The following SLAMF9 variants were observed in gnomAD, a reference collection of about 807,000 sequenced individuals.
SLAMF9 encodes SLAM family member 9.
In SLAMF9, 25 loss-of-function variants were observed where a neutral mutation model predicts 30.4. That is an observed-to-expected ratio of 0.82 (90% CI 0.60 to 1.15). The LOEUF (loss-of-function observed/expected upper bound fraction) is 1.15. SLAMF9 is among the 50% of genes most tolerant of loss of function. The pLI, the probability that SLAMF9 is intolerant of heterozygous loss-of-function variation, is 0.00. For synonymous variants in SLAMF9, 129 were observed against 127.2 expected (o/e 1.01, Z -0.09); for missense variants, 344 against 346.1 (o/e 0.99, Z 0.05).
At chr1:159,967,609 T>C in the SLAMF9 span, among the ~76,000 whole-genome samples, 95 of 152,332 alleles carry the variant, frequency 6.2e-4, no homozygotes, top group Non-Finnish European at 1.1e-3. Flanking sequence ...CCCTACGAAC[T>C]TAAGGATTGT....
upstream of SLAMF9, among the ~76,000 whole-genome samples, chr1:159,957,268 G>A (rs1571231682): frequency 6.6e-6 from 1 of 151,704 alleles, no homozygotes; most frequent in African/African-American, 2.4e-5. Context: ...GGAGGAATAA[G>A]TTCAAGAGAT....
chr1:159,966,558 T>C, the SLAMF9 span, among the ~76,000 whole-genome samples: 3 of 152,232 alleles, frequency 2.0e-5, no homozygotes, highest in Admixed American at 6.5e-5. Context: ...CCATAATAGC[T>C]GTACTAATTT....
chr1:159,967,485 C>T, the SLAMF9 span, among the ~76,000 whole-genome samples: 4 of 152,274 alleles, frequency 2.6e-5, no homozygotes, highest in South Asian at 8.3e-4. Context: ...TGTTTTTATG[C>T]CAGTATTTGA....
the SLAMF9 span, chr1:159,973,087 C>T: frequency 6.7e-7 from 1 of 1,493,612 alleles, no homozygotes; most frequent in Non-Finnish European, 9.0e-7. Context: ...GAGTCTCCCT[C>T]CTTGACTCCT....
At chr1:159,972,973 G>A in the SLAMF9 span, 717 of 1,241,354 alleles carry the variant, frequency 5.8e-4, 9 homozygotes, top group East Asian at 0.017. Context: ...CCCTGGGGGC[G>A]TCGCCACTCC....
the SLAMF9 span, among the ~76,000 whole-genome samples, chr1:159,963,670 C>A: frequency 6.6e-6 from 1 of 152,144 alleles, no homozygotes; most frequent in Non-Finnish European, 1.5e-5. Flanking sequence ...GGCTCATGTT[C>A]TTCTTGATTG....
At chr1:159,958,868 C>T (rs1170006908), upstream of SLAMF9, among the ~76,000 whole-genome samples, 4 of 152,128 alleles carry the variant, frequency 2.6e-5, no homozygotes, top group African/African-American at 4.8e-5. Flanking sequence ...GTCTTCTCTG[C>T]CTCAGATGTG....
At chr1:159,960,210 C>T in the SLAMF9 span, among the ~76,000 whole-genome samples, 9 of 143,216 alleles carry the variant, frequency 6.3e-5, no homozygotes, top group African/African-American at 2.1e-4. Context: ...GTTCCCCATC[C>T]TGTGTCCAAG....
chr1:159,964,511 A>G, the SLAMF9 span, among the ~76,000 whole-genome samples: 1 of 152,182 alleles, frequency 6.6e-6, no homozygotes, highest in Non-Finnish European at 1.5e-5. Context: ...CTGATGCAGA[A>G]CTTGTTTGAA....
chr1:159,973,192 G>A, the SLAMF9 span: 5 of 1,485,838 alleles, frequency 3.4e-6, no homozygotes, highest in Non-Finnish European at 3.7e-6. Flanking sequence ...CTCAGGGGGT[G>A]CAGCTTTGTT....
At chr1:159,956,047 C>T (rs1000185291), upstream of SLAMF9, among the ~76,000 whole-genome samples, 3 of 152,198 alleles carry the variant, frequency 2.0e-5, no homozygotes, top group African/African-American at 7.2e-5. Context: ...GAGGTATCTG[C>T]ACTCCACGCT....
chr1:159,972,575 C>T, the SLAMF9 span: 4 of 157,108 alleles, frequency 2.5e-5, no homozygotes, highest in Admixed American at 1.9e-4. Context: ...TGGGCTCACT[C>T]CTCTCTCTGG....
the SLAMF9 span, chr1:159,961,139 C>T: frequency 2.6e-5 from 4 of 152,118 alleles, no homozygotes; most frequent in South Asian, 4.1e-4. Context: ...AGTAGTTGCA[C>T]CAGTAATGTT....
At chr1:159,954,853 C>T (rs1416940078), upstream of SLAMF9, among the ~76,000 whole-genome samples, 1 of 152,070 alleles carries the variant, frequency 6.6e-6, no homozygotes, top group Non-Finnish European at 1.5e-5. Flanking sequence ...CCGAGGCAGG[C>T]AGATCACCTG....
At chr1:159,957,789 TA>T (rs1225713475), upstream of SLAMF9, among the ~76,000 whole-genome samples, 3 of 152,138 alleles carry the variant, frequency 2.0e-5, no homozygotes, top group Non-Finnish European at 4.4e-5. Flanking sequence ...TTTTGTGAAT[TA>T]AAAAATAGAA....
chr1:159,967,828 A>G, the SLAMF9 span, among the ~76,000 whole-genome samples: 3 of 152,092 alleles, frequency 2.0e-5, no homozygotes, highest in Admixed American at 6.6e-5. Flanking sequence ...TCCTTAGTTA[A>G]ATTTACATCT....
At chr1:159,956,316 A>T (rs1336848491), upstream of SLAMF9, among the ~76,000 whole-genome samples, 1 of 152,208 alleles carries the variant, frequency 6.6e-6, no homozygotes, top group Non-Finnish European at 1.5e-5. Flanking sequence ...AAAAATTTTT[A>T]AACATGATCA....
At chr1:159,965,204 G>A in the SLAMF9 span, among the ~76,000 whole-genome samples, 2 of 152,198 alleles carry the variant, frequency 1.3e-5, no homozygotes, top group Admixed American at 6.5e-5. Context: ...AAGGTTGGGG[G>A]AAAGCAATAC....
the SLAMF9 span, among the ~76,000 whole-genome samples, chr1:159,971,929 G>C: frequency 3.3e-5 from 5 of 152,004 alleles, no homozygotes; most frequent in Admixed American, 6.6e-5. Flanking sequence ...CCTTACCCCC[G>C]CCACCAAAAC....
Sources: gnomAD v4.1 joint callset for allele counts (sites outside exome capture counted in the v4.1 genomes callset) on GRCh38, gnomAD v4.1.1 for gene constraint, MANE v1.5 for transcripts, NCBI Gene and HGNC (gene_info 2026-07-23, HGNC 2026-07-21) for gene names.